PTGFRN: variants seen among roughly 807,000 people sequenced by gnomAD.
PTGFRN encodes prostaglandin F2 receptor inhibitor.
A neutral mutation model predicts 83.2 loss-of-function variants in PTGFRN; 35 were observed. The ratio of observed to expected loss-of-function variants is 0.42; its 90% confidence interval spans 0.32 to 0.56. PTGFRN has a LOEUF of 0.56. Among genes scored for constraint, PTGFRN ranks in the 20% least tolerant of loss-of-function variants. The pLI, the probability that PTGFRN is intolerant of heterozygous loss-of-function variation, is 0.11. For missense variants in PTGFRN, 1,051 were observed against 1,179.5 expected (o/e 0.89, Z 1.60); for synonymous variants, 519 against 498.6 (o/e 1.04, Z -0.55).
chr1:116,914,816 CGTGT>C (rs1649359955), intron 1 of PTGFRN, among the ~76,000 whole-genome samples: 1 of 151,416 alleles, frequency 6.6e-6, no homozygotes, highest in African/African-American at 2.4e-5. Context: ...TCCTGCCTAA[CGTGT>C]GTGTGTCTCT....
chr1:116,918,853 C>T lies in PTGFRN; in HGVS notation c.49+8601C>T, dbSNP rs182973185. The stretch of plus-strand genomic sequence containing the variant: ...GTGGAAGGATGAGTGATAAAGGAAC[C>T]GAGGGAACTGATGAGAACATCACAG... On this transcript the variant is annotated intron_variant, in intron 1 of 8. Transcript: ENST00000393203. This position sits in a 1 kb window ranked among gnomAD's most constrained non-coding sequence, Gnocchi z 4.1. 4.7e-4 allele frequency among the ~76,000 whole-genome samples: 71 copies of T among 152,130 alleles called. No homozygotes were observed. The highest frequency in any genetic ancestry group is 3.8e-3 in the Admixed American group (58 of 15,278).
Position 116,961,871 on chromosome 1 carries a change from C to T in PTGFRN, c.1639+203C>T, listed in dbSNP as rs1324435514. On this transcript the variant is annotated intron_variant, in intron 5 of 8. Transcript: ENST00000393203. This position sits in a 1 kb window ranked among gnomAD's most constrained non-coding sequence, Gnocchi z 5.4. ...CTGTCCCCAAGCCCCAGAGAGGTCCCTCTCCAACTCACTGTCAATCAGCCA... is the reference window on the plus strand; with the variant it reads ...CTGTCCCCAAGCCCCAGAGAGGTCCTTCTCCAACTCACTGTCAATCAGCCA... Among the ~76,000 whole-genome samples the T allele has an allele frequency of 6.6e-6, 1 of 152,154 alleles. No homozygotes were observed. The highest frequency in any genetic ancestry group is 2.4e-5 in the African/African-American group (1 of 41,432).
In PTGFRN at chr1:116,910,129, G is replaced by A. The variant is rs1273568188; in HGVS notation, c.-75G>A. ...GAGGAGCGCCGACTCTGGAGCAGCC[G>A]GAGCTGGAAGAGGAGGAGGAGGAGA... On this transcript the variant is annotated 5_prime_UTR_variant, in exon 1 of 9. Coordinates refer to ENST00000393203, the MANE Select transcript of PTGFRN (RefSeq NM_020440.4). 3 of 1,469,132 alleles carry A rather than the reference G, an allele frequency of 2.0e-6. No homozygotes were observed. Among genetic ancestry groups the A allele is most frequent in the African/African-American group, 2.9e-5 (2 of 69,522 alleles). The allele number at this position is 1,469,132 out of a possible 1,614,324, so 91.0% of individuals were successfully genotyped here. A position where few individuals can be genotyped will look rare whatever the true frequency, so the allele number is the denominator to read the frequency against.
intron 7 of PTGFRN, among the ~76,000 whole-genome samples, chr1:116,975,076 T>C (rs765201453): frequency 1.1e-4 from 17 of 152,362 alleles, no homozygotes; most frequent in East Asian, 1.9e-4. Flanking sequence ...CAGGAGATTA[T>C]ATCCTGCACC....
intron 7 of PTGFRN, 77 bp downstream of exon 7, chr1:116,974,400 C>A: frequency 8.8e-7 from 1 of 1,138,474 alleles, no homozygotes; most frequent in Non-Finnish European, 1.3e-6. Context: ...CTGTGTTACA[C>A]AGATGTGGGT....
chr1:116,952,665 C>T lies in PTGFRN; in HGVS notation c.1213+3093C>T, dbSNP rs887196658. 3.3e-5 allele frequency among the ~76,000 whole-genome samples: 5 copies of T among 152,160 alleles called. No individual in the cohort carries two copies. The highest frequency in any genetic ancestry group is 3.8e-4 in the East Asian group (2 of 5,200). On this transcript the variant is annotated intron_variant, in intron 4 of 8. Coordinates refer to ENST00000393203, the MANE Select transcript of PTGFRN (RefSeq NM_020440.4). The surrounding 1 kb of genome is among the most constrained non-coding windows in gnomAD (Gnocchi z 4.0). The stretch of plus-strand genomic sequence containing the variant: ...AAAAAAGATGTGATTATACAGTTCT[C>T]CTCTGAGGAAGGAAAACATTAACTC...
chr1:116,948,510 T>G (rs1650256555), intron 3 of PTGFRN, among the ~76,000 whole-genome samples: 1 of 152,264 alleles, frequency 6.6e-6, no homozygotes, highest in African/African-American at 2.4e-5. Context: ...CATTACATTT[T>G]GAAGACTTGA....
chr1:116,942,775 T>G (rs1408659553), intron 2 of PTGFRN, among the ~76,000 whole-genome samples: 3 of 152,234 alleles, frequency 2.0e-5, no homozygotes, highest in Non-Finnish European at 4.4e-5. Flanking sequence ...GGGATTTGTT[T>G]TGGGGGTTTT....
chr1:116,970,475 TA>T (rs1650962151), intron 6 of PTGFRN, among the ~76,000 whole-genome samples: 6 of 152,186 alleles, frequency 3.9e-5, no homozygotes. Flanking sequence ...TTACATTTGT[TA>T]TTTGATCTTT....
chr1:116,924,926 G>A (rs1351936360), intron 1 of PTGFRN, among the ~76,000 whole-genome samples: 1 of 152,204 alleles, frequency 6.6e-6, no homozygotes, highest in African/African-American at 2.4e-5. Context: ...CTGACAGGCA[G>A]TTGGCTCCAG....
chr1:116,971,805 AG>A (rs1651003799), intron 6 of PTGFRN, among the ~76,000 whole-genome samples: 2 of 152,230 alleles, frequency 1.3e-5, no homozygotes, highest in South Asian at 4.1e-4. Flanking sequence ...ATAAAGAAAA[AG>A]TGAAATTTGT....
At chr1:116,976,402 A>G (rs1001168806) in intron 7 of PTGFRN, among the ~76,000 whole-genome samples, 17 of 152,174 alleles carry the variant, frequency 1.1e-4, no homozygotes, top group African/African-American at 3.9e-4. Context: ...GAGAAGAGGA[A>G]CTCCAAGACA....
chr1:116,986,895 C>G lies in PTGFRN; in HGVS notation c.2568C>G (p.His856Gln). ...LSCLIGYCSS[H>Q]WCCKKEVQET... The stretch of plus-strand genomic sequence containing the variant: ...GTCTCATCGGGTACTGCAGCTCCCA[C>G]TGGTGTTGTAAGAAGGAGGTTCAGG... The change falls in exon 9 of 9, where the codon CAC (histidine) becomes CAG (glutamine). Residue 856 changes from histidine to glutamine, a missense_variant. Physicochemically the swap from His to Gln is conservative, Grantham distance 24. Around this residue, in one of 3 missense-constraint regions of PTGFRN, gnomAD observed 719 missense variants for 836.6 expected, o/e 0.86. Transcript: ENST00000393203. 1 of 1,614,206 alleles carries G rather than the reference C, an allele frequency of 6.2e-7. No homozygotes were observed. Among genetic ancestry groups the G allele is most frequent in the East Asian group, 2.2e-5 (1 of 44,878 alleles).
chr1:116,943,160 T>C (rs1408554640), intron 2 of PTGFRN, among the ~76,000 whole-genome samples: 3 of 152,230 alleles, frequency 2.0e-5, no homozygotes, highest in East Asian at 3.8e-4. Flanking sequence ...TCATGACTTG[T>C]AGAACCCTGC....
Position 116,961,263 on chromosome 1 carries a change from C to T in PTGFRN, c.1234C>T (p.Leu412=). ...TTCAGAACCAGACTACCAGGTGTAC[C>T]TGAATGCTTCCAAGGTCCCCGGGTT... ...TWLEPDYQVY[L]NASKVPGFAD... is the part of the protein sequence containing the mutation. Residue 412 remains leucine (L), a synonymous_variant, in exon 5 of 9, where the codon CTG becomes TTG. Coordinates refer to ENST00000393203, the MANE Select transcript of PTGFRN (RefSeq NM_020440.4). The surrounding 1 kb of genome is among the most constrained non-coding windows in gnomAD (Gnocchi z 5.4). The T allele has an allele frequency of 1.3e-6, 2 of 1,517,592 alleles. No homozygotes were observed. Among genetic ancestry groups the T allele is most frequent in the South Asian group, 2.7e-5 (2 of 73,874 alleles). 94.0% of individuals were successfully genotyped at this position (1,517,592 alleles called of 1,614,324 possible).
chr1:116,954,339 T>G (rs1355504184), intron 4 of PTGFRN, among the ~76,000 whole-genome samples: 1 of 141,582 alleles, frequency 7.1e-6, no homozygotes, highest in Non-Finnish European at 1.6e-5. Context: ...CCTTCACTCA[T>G]TAAATGTCGG....
At chr1:116,976,970 A>G (rs1651174785) in intron 7 of PTGFRN, among the ~76,000 whole-genome samples, 1 of 152,240 alleles carries the variant, frequency 6.6e-6, no homozygotes, top group Admixed American at 6.5e-5. Context: ...TGCTATATTC[A>G]GGAGACCCAT....
At chr1:116,937,593 T>C (rs1362670358) in intron 1 of PTGFRN, among the ~76,000 whole-genome samples, 1 of 152,116 alleles carries the variant, frequency 6.6e-6, no homozygotes, top group Admixed American at 6.5e-5. Context: ...TGTGGAAGGA[T>C]TGGAGAGTTC....
chr1:116,941,684 A>G lies in PTGFRN; in HGVS notation c.50-31A>G. The G allele has an allele frequency of 1.3e-6, 2 of 1,576,920 alleles. No individual in the cohort carries two copies. The highest frequency in any genetic ancestry group is 1.7e-6 in the Non-Finnish European group (2 of 1,161,304). ...GTCCTGGGAAGACTTTCTGTGATTA[A>G]AGACCTGCCTTTCATCTTTTATCAT... On this transcript the variant is annotated intron_variant, in intron 1 of 8. Coordinates refer to ENST00000393203, the MANE Select transcript of PTGFRN (RefSeq NM_020440.4). The surrounding 1 kb of genome is among the most constrained non-coding windows in gnomAD (Gnocchi z 5.0).
Sources: allele counts gnomAD v4.1 joint callset (sites outside exome capture counted in the v4.1 genomes callset), GRCh38; gene constraint gnomAD v4.1.1; regional missense constraint gnomAD v4.1.1; non-coding constraint Gnocchi (gnomAD v3.1); transcripts MANE v1.5; gene names NCBI Gene and HGNC (gene_info 2026-07-23, HGNC 2026-07-21).